ARID1B: variants seen among roughly 807,000 people sequenced by gnomAD.
The protein encoded by ARID1B is AT-rich interaction domain 1B, also known as AT-rich interactive domain-containing protein 1B.
Under a neutral mutation model 212.3 loss-of-function variants are expected in ARID1B, and 30 were observed. The ratio of observed to expected loss-of-function variants is 0.14; its 90% CI spans 0.11 to 0.19. The LOEUF (loss-of-function observed/expected upper bound fraction) is 0.19. Ranked by LOEUF, ARID1B falls within the 10% of genes least tolerant of loss-of-function variation. The pLI is 1.00. For missense variants in ARID1B, 2,891 were observed against 3,204.0 expected, an observed-to-expected ratio of 0.90 and a Z score of 2.36; for synonymous variants, 1,402 against 1,301.7, an observed-to-expected ratio of 1.08 and a Z score of -1.66.
chr6:156,978,509 G>T (rs1259671749), intron 4 of ARID1B, among the ~76,000 whole-genome samples: 1 of 151,810 alleles, frequency 6.6e-6, no homozygotes, highest in Non-Finnish European at 1.5e-5. Context: ...GACAGAATTT[G>T]TGTATCTTCC....
intron 2 of ARID1B, among the ~76,000 whole-genome samples, chr6:156,858,118 C>T (rs1785076078): frequency 3.3e-5 from 5 of 151,686 alleles, no homozygotes; most frequent in African/African-American, 1.2e-4. Flanking sequence ...TGTAATAAGT[C>T]AGGCACAGAG....
At chr6:157,029,795 G>A (rs765738821) in intron 4 of ARID1B, among the ~76,000 whole-genome samples, 11 of 152,200 alleles carry the variant, frequency 7.2e-5, no homozygotes, top group Admixed American at 1.3e-4. Context: ...CAAGGCAGGC[G>A]GGAGCCACGT....
At position 157,200,228 on chromosome 6, in the gene ARID1B, C is replaced by A. The variant is rs1794001192; in HGVS notation, c.4480-477C>A. ...TGGGATGGATGTTGGGTGACACGGG[C>A]CAGTCTGGGGAGCCGAGTCCTGTTC... On this transcript the variant is annotated intron_variant, in intron 17 of 19. Coordinates refer to ENST00000636930, the MANE Select transcript of ARID1B (RefSeq NM_001374828.1). This position sits in a 1 kb window ranked among gnomAD's most constrained non-coding sequence, Gnocchi z 4.3. Among the ~76,000 whole-genome samples, 1 of 152,232 alleles carries A rather than the reference C, an allele frequency of 6.6e-6. No homozygotes were observed. Among genetic ancestry groups the A allele is most frequent in the Non-Finnish European group, 1.5e-5 (1 of 67,998 alleles).
chr6:156,899,531 G>T (rs1206787523), intron 2 of ARID1B, among the ~76,000 whole-genome samples: 5 of 152,164 alleles, frequency 3.3e-5, no homozygotes, highest in Non-Finnish European at 7.4e-5. Flanking sequence ...ATATTTGAGG[G>T]CACCCAGGTC....
At chr6:156,910,230 A>G (rs751279118) in intron 3 of ARID1B, among the ~76,000 whole-genome samples, 15 of 152,164 alleles carry the variant, frequency 9.9e-5, no homozygotes, top group Non-Finnish European at 1.5e-4. Context: ...GAGGTTTTGT[A>G]GACCACACCA....
In ARID1B at chr6:157,206,240, A is replaced by G. The variant is rs149841055; in HGVS notation, c.5468A>G (p.Glu1823Gly). The change falls in exon 20 of 20, where the codon GAA (glutamate) becomes GGA (glycine). Residue 1823 changes from glutamate (E) to glycine (G), a missense_variant. By Grantham distance (98) the Glu-to-Gly change is moderately conservative. Transcript: ENST00000636930. The surrounding 1 kb of genome is among the most constrained non-coding windows in gnomAD (Gnocchi z 6.8). ...ATTGACATTTTTGGAATTCTTATGG[A>G]ATATGAAGTGGGAGACCCCAGCCAA... ...CLIDIFGILM[E>G]YEVGDPSQKA... The G allele has an allele frequency of 1.3e-4, 217 of 1,614,204 alleles. 2 individuals are homozygous for G. In the African/African-American group the frequency reaches 2.6e-3, roughly 20 times the overall value.
intron 2 of ARID1B, among the ~76,000 whole-genome samples, chr6:156,880,682 G>A (rs1207205300): frequency 1.5e-5 from 2 of 136,014 alleles, no homozygotes; most frequent in Non-Finnish European, 3.1e-5. Context: ...GGAGGTTTCA[G>A]TGAGCCAAGA....
At chr6:157,004,766 T>C (rs1236693212) in intron 4 of ARID1B, among the ~76,000 whole-genome samples, 1 of 152,214 alleles carries the variant, frequency 6.6e-6, no homozygotes, top group African/African-American at 2.4e-5. Flanking sequence ...ACACACTTTG[T>C]ACCATATTGC....
intron 4 of ARID1B, among the ~76,000 whole-genome samples, chr6:157,046,784 C>T (rs1215374105): frequency 1.3e-5 from 2 of 152,184 alleles, no homozygotes; most frequent in Non-Finnish European, 2.9e-5. Context: ...CTTTAGTCTT[C>T]TTTCCTAATT....
At chr6:157,001,770 T>A (rs1166954756) in intron 4 of ARID1B, among the ~76,000 whole-genome samples, 1 of 152,250 alleles carries the variant, frequency 6.6e-6, no homozygotes, top group East Asian at 1.9e-4. Flanking sequence ...ATTGACTCAT[T>A]ACTTCAGCTT....
At chr6:157,073,809 T>C (rs1002965453) in intron 4 of ARID1B, among the ~76,000 whole-genome samples, 2 of 152,246 alleles carry the variant, frequency 1.3e-5, no homozygotes, top group African/African-American at 4.8e-5. Context: ...TCACAGTAAG[T>C]ATTTAACGAG....
Position 157,148,768 on chromosome 6 carries a change from T to A in ARID1B, c.2906T>A (p.Met969Lys), listed in dbSNP as rs1789981336. The A allele has an allele frequency of 6.2e-7, 1 of 1,613,122 alleles. No individual in the cohort carries two copies. The highest frequency in any genetic ancestry group is 1.3e-5 in the African/African-American group (1 of 74,914). The part of the protein sequence containing the change: ...QPCGAVPLGR[M>K]PSAGMQNRPF... Reference sequence around the variant, plus strand: ...TGTGGTGCTGTGCCCCTGGGACGAATGCCATCAGCTGGGATGCAGAACAGA... The same window carrying A: ...TGTGGTGCTGTGCCCCTGGGACGAAAGCCATCAGCTGGGATGCAGAACAGA... Residue 969 changes from methionine (M) to lysine (K), a missense_variant, in exon 8 of 20, where the codon ATG becomes AAG. This residue lies in a region of ARID1B where 1,643 missense variants were observed against 1,544.0 expected (regional missense o/e 1.06). Transcript: ENST00000636930. The surrounding 1 kb of genome is among the most constrained non-coding windows in gnomAD (Gnocchi z 5.6).
chr6:156,841,336 A>C (rs1783888082), intron 2 of ARID1B, among the ~76,000 whole-genome samples: 1 of 152,188 alleles, frequency 6.6e-6, no homozygotes, highest in Non-Finnish European at 1.5e-5. Flanking sequence ...CTGGAATGAG[A>C]GTTGCACCTC....
At chr6:157,199,498 C>G (rs947069026) in intron 17 of ARID1B, among the ~76,000 whole-genome samples, 1 of 151,784 alleles carries the variant, frequency 6.6e-6, no homozygotes, top group Non-Finnish European at 1.5e-5. Context: ...TGTGGCTTTC[C>G]AGACATACAG....
intron 5 of ARID1B, among the ~76,000 whole-genome samples, chr6:157,088,852 T>C (rs187190225): frequency 6.6e-6 from 1 of 152,320 alleles, no homozygotes; most frequent in East Asian, 1.9e-4. Context: ...GAACCATACA[T>C]GCCATGTAGA....
At position 156,778,871 on chromosome 6, in the gene ARID1B, CGGAGGAGGAGGAGGCAGCGGAGGAGGA is replaced by C. The variant is rs1292728719; in HGVS notation, c.1206_1232del (p.Ser403_Gly411del). 4.3e-5 allele frequency: 57 copies of C among 1,340,098 alleles called. No individual in the cohort carries two copies. The highest frequency in any genetic ancestry group is 4.8e-5 in the Non-Finnish European group (50 of 1,036,576). 83.0% of individuals were successfully genotyped at this position (1,340,098 alleles called of 1,614,324 possible). A position where few individuals can be genotyped will look rare whatever the true frequency, so the allele number is the denominator to read the frequency against. Reference sequence around the variant, plus strand: ...CGGGCGGCGGCGGCGGCGGCGGCGGCGGAGGAGGAGGAGGCAGCGGAGGAGGAGGAGGAGGAGGAGGAGCAGGAGCAG... The same window carrying C: ...CGGGCGGCGGCGGCGGCGGCGGCGGCGGAGGAGGAGGAGGAGCAGGAGCAG... On this transcript the variant is annotated inframe_deletion, in exon 1 of 20. Transcript: ENST00000636930.
At chr6:156,860,615 T>C (rs1785261335) in intron 2 of ARID1B, among the ~76,000 whole-genome samples, 1 of 152,196 alleles carries the variant, frequency 6.6e-6, no homozygotes, top group Non-Finnish European at 1.5e-5. Context: ...AATAGCTGAC[T>C]CTTTCATTTA....
chr6:156,997,452 A>C (rs1017532617), intron 4 of ARID1B, among the ~76,000 whole-genome samples: 1 of 152,180 alleles, frequency 6.6e-6, no homozygotes, highest in Non-Finnish European at 1.5e-5. Flanking sequence ...CGTCACTGTC[A>C]TGAATTCTTA....
intron 2 of ARID1B, among the ~76,000 whole-genome samples, chr6:156,887,845 T>G (rs1787637440): frequency 6.6e-6 from 1 of 152,226 alleles, no homozygotes; most frequent in Non-Finnish European, 1.5e-5. Flanking sequence ...ATCATGCAAG[T>G]ATACGATCCC....
Sources: allele counts gnomAD v4.1 joint callset (sites outside exome capture counted in the v4.1 genomes callset), GRCh38; gene constraint gnomAD v4.1.1; regional missense constraint gnomAD v4.1.1; non-coding constraint Gnocchi (gnomAD v3.1); transcripts MANE v1.5; gene names NCBI Gene and HGNC (gene_info 2026-07-23, HGNC 2026-07-21).